SUGCT: variants seen among roughly 807,000 people sequenced by gnomAD.
The protein encoded by SUGCT is succinyl-CoA:glutarate CoA-transferase.
SUGCT carries 41 observed loss-of-function variants against 55.0 expected under a neutral mutation model. The ratio of observed to expected loss-of-function variants is 0.74; its 90% CI spans 0.58 to 0.97. The LOEUF (loss-of-function observed/expected upper bound fraction) is 0.97, where lower values mean the gene tolerates loss of function less well. SUGCT is among the 50% of genes least tolerant of loss of function. The pLI is 0.00. For synonymous variants in SUGCT, 187 were observed against 200.4 expected (o/e 0.93, Z 0.56); for missense variants, 568 against 547.8 (o/e 1.04, Z -0.37).
At chr7:40,879,440 C>CAGAAATACATGCATGCAT in the SUGCT span, among the ~76,000 whole-genome samples, 1 of 152,114 alleles carries the variant, frequency 6.6e-6, no homozygotes, top group Non-Finnish European at 1.5e-5. Flanking sequence ...ATCTCTAACT[C>CAGAAATACATGCATGCAT]AGAAATACAT....
intron 9 of SUGCT, among the ~76,000 whole-genome samples, chr7:40,435,446 A>C (rs1788118877): frequency 6.6e-6 from 1 of 152,124 alleles, no homozygotes; most frequent in Admixed American, 6.6e-5. Flanking sequence ...TTTGCCACCA[A>C]GGCTTATAAT....
chr7:40,179,753 A>G (rs142664990), intron 1 of SUGCT, among the ~76,000 whole-genome samples: 15 of 152,272 alleles, frequency 9.9e-5, no homozygotes, highest in African/African-American at 3.4e-4. Flanking sequence ...GTGTTCTTTC[A>G]TCTTGTGCTT....
At chr7:40,911,796 T>C in the SUGCT span, among the ~76,000 whole-genome samples, 2 of 152,116 alleles carry the variant, frequency 1.3e-5, no homozygotes, top group Non-Finnish European at 2.9e-5. Context: ...AAAGGAACCA[T>C]GAAAAGCAGT....
At chr7:40,224,452 GTATGTGA>G (rs925117116) in intron 6 of SUGCT, among the ~76,000 whole-genome samples, 7 of 151,662 alleles carry the variant, frequency 4.6e-5, no homozygotes, top group African/African-American at 1.5e-4. Context: ...ATAAGTGTGT[GTATGTGA>G]TTGTGAGTTT....
chr7:40,531,758 C>T (rs181095462), intron 12 of SUGCT, among the ~76,000 whole-genome samples: 1,649 of 152,232 alleles, frequency 0.011, 19 homozygotes, highest in East Asian at 0.03. Context: ...ACTGTAAGCT[C>T]CGCTTCCCGG....
chr7:40,391,859 C>G (rs1785451499), intron 9 of SUGCT, among the ~76,000 whole-genome samples: 1 of 152,056 alleles, frequency 6.6e-6, no homozygotes, highest in Non-Finnish European at 1.5e-5. Flanking sequence ...GCACTATTCA[C>G]AATAGCAAAG....
chr7:40,218,286 C>T (rs932596493), intron 6 of SUGCT, among the ~76,000 whole-genome samples: 28 of 152,164 alleles, frequency 1.8e-4, no homozygotes, highest in Admixed American at 5.2e-4. Flanking sequence ...ATTATTTGCT[C>T]ATTGGAGAAA....
At chr7:40,157,319 G>T (rs1179608988) in intron 1 of SUGCT, among the ~76,000 whole-genome samples, 1 of 152,166 alleles carries the variant, frequency 6.6e-6, no homozygotes, top group East Asian at 1.9e-4. Flanking sequence ...GGCGAAGGCG[G>T]CAGCTGGGCA....
intron 13 of SUGCT, among the ~76,000 whole-genome samples, chr7:40,791,393 T>G (rs1790301843): frequency 6.6e-6 from 1 of 152,108 alleles, no homozygotes; most frequent in African/African-American, 2.4e-5. Flanking sequence ...AGTTGCCATT[T>G]TGCCTAAACA....
chr7:40,226,587 CTT>C (rs756344535), intron 6 of SUGCT, among the ~76,000 whole-genome samples: 6 of 141,628 alleles, frequency 4.2e-5, no homozygotes, highest in Admixed American at 7.2e-5. Flanking sequence ...AAAACTAACT[CTT>C]TTTTTTTTTT....
intron 12 of SUGCT, among the ~76,000 whole-genome samples, chr7:40,748,185 G>A (rs565001378): frequency 6.6e-6 from 1 of 152,156 alleles, no homozygotes; most frequent in East Asian, 1.9e-4. Flanking sequence ...AGACTTTGGG[G>A]TGTATGTAGG....
chr7:40,214,600 T>C (rs1315751965), intron 6 of SUGCT, among the ~76,000 whole-genome samples: 1 of 151,956 alleles, frequency 6.6e-6, no homozygotes, highest in South Asian at 2.1e-4. Flanking sequence ...GTATTGTGGG[T>C]CTAAATTGAG....
intron 12 of SUGCT, among the ~76,000 whole-genome samples, chr7:40,585,703 G>T (rs952721052): frequency 6.6e-6 from 1 of 151,912 alleles, no homozygotes; most frequent in Non-Finnish European, 1.5e-5. Context: ...TTTTTGAGAC[G>T]GGATCTCACT....
At chr7:40,457,973 A>T (rs780835544) in intron 10 of SUGCT, among the ~76,000 whole-genome samples, 1 of 152,136 alleles carries the variant, frequency 6.6e-6, no homozygotes, top group African/African-American at 2.4e-5. Flanking sequence ...AGGGTGCTGT[A>T]TGTGGTGTTG....
chr7:40,797,341 A>G (rs998876823), intron 13 of SUGCT, among the ~76,000 whole-genome samples: 2 of 152,146 alleles, frequency 1.3e-5, no homozygotes, highest in African/African-American at 4.8e-5. Context: ...TTTGGAAAAT[A>G]TGATCACTCT....
chr7:40,829,735 A>G (rs369946867), intron 13 of SUGCT, among the ~76,000 whole-genome samples: 20 of 151,428 alleles, frequency 1.3e-4, no homozygotes, highest in Admixed American at 4.6e-4. Context: ...CTCCATTCCT[A>G]CTCCACAGAT....
At chr7:40,290,188 G>A (rs867832356) in intron 8 of SUGCT, among the ~76,000 whole-genome samples, 9 of 152,096 alleles carry the variant, frequency 5.9e-5, no homozygotes, top group Admixed American at 1.3e-4. Flanking sequence ...AAAAGAGCCC[G>A]CATCGCCAAG....
intron 11 of SUGCT, among the ~76,000 whole-genome samples, chr7:40,495,066 A>G (rs2151516260): frequency 6.6e-6 from 1 of 152,022 alleles, no homozygotes; most frequent in East Asian, 1.9e-4. Flanking sequence ...ACCCGCCACC[A>G]TGCCTGGCTA....
At chr7:40,366,178 T>C (rs1783949901) in intron 9 of SUGCT, among the ~76,000 whole-genome samples, 1 of 152,118 alleles carries the variant, frequency 6.6e-6, no homozygotes, top group African/African-American at 2.4e-5. Flanking sequence ...ATTCCCTATT[T>C]AATAAATGGT....
Sources: allele counts gnomAD v4.1 joint callset (sites outside exome capture counted in the v4.1 genomes callset), GRCh38; gene constraint gnomAD v4.1.1; transcripts MANE v1.5; gene names NCBI Gene and HGNC (gene_info 2026-07-23, HGNC 2026-07-21).